The following NFIB variants were observed in gnomAD, a reference collection of about 807,000 sequenced individuals.
The protein encoded by NFIB is nuclear factor 1 B-type.
NFIB carries 11 observed loss-of-function variants against 61.5 expected under a neutral mutation model. The observed-to-expected ratio is 0.18, with a 90% CI of 0.11 to 0.30. The LOEUF (loss-of-function observed/expected upper bound fraction) is 0.30, where lower values mean the gene tolerates loss of function less well. NFIB is among the 10% of genes least tolerant of loss of function. NFIB has a pLI of 1.00. For synonymous variants in NFIB, 260 were observed against 216.5 expected, an observed-to-expected ratio of 1.20 and a Z score of -1.76; for missense variants, 471 against 608.9, an observed-to-expected ratio of 0.77 and a Z score of 2.38.
chr9:14,357,975 T>G (rs1171703110), intron 1 of NFIB: 3 of 152,206 alleles, frequency 2.0e-5, no homozygotes, highest in Non-Finnish European at 4.4e-5. Context: ...AGTGATTGGC[T>G]AGAGCTTGGG....
At chr9:14,093,393 C>G (rs1429044042) in intron 10 of NFIB, 2 of 152,042 alleles carry the variant, frequency 1.3e-5, no homozygotes, top group African/African-American at 4.8e-5. Flanking sequence ...ATAGTAAATA[C>G]TCTTTCAAGA....
At position 14,307,013 on chromosome 9, in the gene NFIB, A is replaced by G; in HGVS notation, c.538T>C (p.Leu180=). ...TVSVKELDLF[L]AYYVQEQDSG... ...CCTTGCTCCTGCACGTAGTATGCCA[A>G]AAACAAATCAAGCTCCTTAACTGAT... Residue 180 remains leucine (L), a synonymous_variant, in exon 2 of 11, where the codon TTG becomes CTG. Transcript: ENST00000380953. This position sits in a 1 kb window ranked among gnomAD's most constrained non-coding sequence, Gnocchi z 5.3. 6.2e-6 allele frequency: 10 copies of G among 1,614,194 alleles called. 1 individual carries two copies. Among genetic ancestry groups the G allele is most frequent in the Non-Finnish European group, 8.5e-6 (10 of 1,180,018 alleles).
At chr9:14,478,012 A>T in the NFIB span, among the ~76,000 whole-genome samples, 2 of 152,194 alleles carry the variant, frequency 1.3e-5, no homozygotes, top group Admixed American at 1.3e-4. Context: ...CAAGATTTCT[A>T]CATATTTTCA....
chr9:14,187,500 T>C lies in NFIB; in HGVS notation c.563-7720A>G, dbSNP rs992623548. Among the ~76,000 whole-genome samples, 4 of 152,366 alleles carry C rather than the reference T, an allele frequency of 2.6e-5. No individual in the cohort carries two copies. In the South Asian group the frequency reaches 6.2e-4, roughly 24 times the overall value. On this transcript the variant is annotated intron_variant, in intron 2 of 10. Transcript: ENST00000380953. ...AACGCATAGTTTAAAAAGATGTTGC[T>C]ACACTTAAGATCTTCATGATAAAGT...
intron 6 of NFIB, among the ~76,000 whole-genome samples, chr9:14,134,105 T>G (rs2130971092): frequency 6.6e-6 from 1 of 152,160 alleles, no homozygotes; most frequent in East Asian, 1.9e-4. Context: ...AAAAAAGAGG[T>G]GCATGGGTAA....
intron 1 of NFIB, among the ~76,000 whole-genome samples, chr9:14,345,637 A>G (rs1588342263): frequency 1.3e-5 from 2 of 152,240 alleles, no homozygotes; most frequent in African/African-American, 4.8e-5. Flanking sequence ...ATTTGGAGAG[A>G]GCGGGCAGCG....
chr9:14,487,475 G>C, the NFIB span, among the ~76,000 whole-genome samples: 20 of 152,280 alleles, frequency 1.3e-4, no homozygotes, highest in Non-Finnish European at 2.2e-4. Flanking sequence ...CAAGCTTGTG[G>C]AGCACAGGCA....
chr9:14,396,004 G>A (rs1260555251), intron 1 of NFIB, among the ~76,000 whole-genome samples: 2 of 151,912 alleles, frequency 1.3e-5, no homozygotes, highest in Non-Finnish European at 2.9e-5. Flanking sequence ...CCCTGTTGCC[G>A]GCAGTGCACT....
intron 1 of NFIB, chr9:14,398,444 C>T: frequency 5.6e-6 from 6 of 1,063,436 alleles, no homozygotes; most frequent in Non-Finnish European, 8.1e-6. Context: ...TTTTCTGAAC[C>T]CCACACTGAG....
chr9:14,129,217 T>C (rs557809411), intron 6 of NFIB, among the ~76,000 whole-genome samples: 4 of 152,192 alleles, frequency 2.6e-5, no homozygotes, highest in Non-Finnish European at 4.4e-5. Flanking sequence ...CTGAAAGGAT[T>C]TGCTTTAGAG....
At chr9:14,442,269 C>A in the NFIB span, among the ~76,000 whole-genome samples, 1 of 152,202 alleles carries the variant, frequency 6.6e-6, no homozygotes, top group African/African-American at 2.4e-5. Context: ...ACTAAAATTT[C>A]TGTCTCCTGT....
chr9:14,323,796 T>TAAA (rs142903945), intron 1 of NFIB, among the ~76,000 whole-genome samples: 6 of 152,130 alleles, frequency 3.9e-5, no homozygotes, highest in Non-Finnish European at 5.9e-5. Context: ...TATTTTTTTT[T>TAAA]AAAAAAAGGC....
At chr9:14,361,655 C>G (rs1464341168) in intron 1 of NFIB, 1 of 152,194 alleles carries the variant, frequency 6.6e-6, no homozygotes, top group Non-Finnish European at 1.5e-5. Context: ...TGCTACACAA[C>G]AGTAGCCACT....
At position 14,125,658 on chromosome 9, in the gene NFIB, G is replaced by A. The variant is rs1369532708; in HGVS notation, c.1034C>T (p.Pro345Leu). ...RLSTFPQHHHPGIPGVAHSVI... is the reference protein window; with the variant it reads ...RLSTFPQHHHLGIPGVAHSVI... Reference sequence around the variant, plus strand: ...ACTGTGTGCAACTCCAGGTATTCCGGGATGGTGGTGCTGGGGGAAAGTGCT... The same window carrying A: ...ACTGTGTGCAACTCCAGGTATTCCGAGATGGTGGTGCTGGGGGAAAGTGCT... The change falls in exon 7 of 11, where the codon CCC becomes CTC. Residue 345 changes from proline to leucine, a missense_variant. Around this residue, in one of 2 missense-constraint regions of NFIB, gnomAD observed 372 missense variants for 395.6 expected, o/e 0.94. Coordinates refer to ENST00000380953, the MANE Select transcript of NFIB (RefSeq NM_001190737.2). 2 of 1,614,126 alleles carry A rather than the reference G, an allele frequency of 1.2e-6. No individual in the cohort carries two copies. The highest frequency in any genetic ancestry group is 1.7e-6 in the Non-Finnish European group (2 of 1,179,992).
Position 14,179,759 on chromosome 9 carries a change from G to C in NFIB, c.584C>G (p.Pro195Arg). Residue 195 changes from proline (P) to arginine (R), a missense_variant, in exon 3 of 11, where the codon CCA becomes CGA. Pro to Arg is a moderately radical substitution (Grantham distance 103). Coordinates refer to ENST00000380953, the MANE Select transcript of NFIB (RefSeq NM_001190737.2). ...QEQDSGQSGS[P>R]SHNDPAKNPP... ...ATTCTTGGCAGGATCATTGTGGCTT[G>C]GACTTCCTGATTGTCCAGAATCTGT... 6.2e-7 allele frequency: 1 copy of C among 1,613,106 alleles called. No homozygotes were observed. The highest frequency in any genetic ancestry group is 8.5e-7 in the Non-Finnish European group (1 of 1,179,502).
At chr9:14,526,184 G>A in the NFIB span, among the ~76,000 whole-genome samples, 1 of 152,028 alleles carries the variant, frequency 6.6e-6, no homozygotes, top group Non-Finnish European at 1.5e-5. Flanking sequence ...AACATAGTAT[G>A]TGAGAAGTTA....
the NFIB span, among the ~76,000 whole-genome samples, chr9:14,459,653 A>T: frequency 2.2e-4 from 34 of 152,292 alleles, 1 homozygote; most frequent in South Asian, 6.8e-3. Context: ...TCTACAATGA[A>T]CTCAAACAAA....
At chr9:14,419,124 A>G in the NFIB span, among the ~76,000 whole-genome samples, 3 of 152,024 alleles carry the variant, frequency 2.0e-5, no homozygotes, top group South Asian at 6.3e-4. Context: ...GCAAAAAAAT[A>G]GAGGTTTGTT....
chr9:14,154,693 A>G (rs2131202496), intron 4 of NFIB, among the ~76,000 whole-genome samples: 1 of 152,226 alleles, frequency 6.6e-6, no homozygotes, highest in South Asian at 2.1e-4. Flanking sequence ...TCCACTCTAG[A>G]ATTATACCAG....
Sources: gnomAD v4.1 joint callset for allele counts (sites outside exome capture counted in the v4.1 genomes callset) on GRCh38, gnomAD v4.1.1 for gene constraint, gnomAD v4.1.1 regional missense constraint, Gnocchi (gnomAD v3.1) non-coding constraint, MANE v1.5 for transcripts, NCBI Gene and HGNC (gene_info 2026-07-23, HGNC 2026-07-21) for gene names.